The following IQUB variants were observed in gnomAD, a reference collection of about 807,000 sequenced individuals.
IQUB encodes the protein IQ motif and ubiquitin-like domain-containing protein.
Under a neutral mutation model 86.4 loss-of-function variants are expected in IQUB, and 86 were observed. The ratio of observed to expected loss-of-function variants is 1.00; its 90% confidence interval spans 0.84 to 1.19. The LOEUF (loss-of-function observed/expected upper bound fraction) is 1.19. IQUB is among the 50% of genes most tolerant of loss of function. The pLI is 0.00. For synonymous variants in IQUB, 289 were observed against 304.5 expected, an observed-to-expected ratio of 0.95 and a Z score of 0.53; for missense variants, 946 against 916.9, an observed-to-expected ratio of 1.03 and a Z score of -0.41.
intron 1 of IQUB, among the ~76,000 whole-genome samples, chr7:123,525,640 T>C (rs555180501): frequency 6.6e-6 from 1 of 152,306 alleles, no homozygotes; most frequent in East Asian, 1.9e-4. Context: ...TGTTCATCCT[T>C]TCAAAAAACC....
intron 7 of IQUB, 104 bp downstream of exon 7, chr7:123,496,592 A>G (rs552399311): frequency 1.5e-6 from 1 of 647,614 alleles, no homozygotes; most frequent in African/African-American, 1.9e-5. Flanking sequence ...TTTCCAAGAC[A>G]TCTCCCTAAA....
intron 3 of IQUB, among the ~76,000 whole-genome samples, chr7:123,508,881 T>C (rs1796301394): frequency 6.6e-6 from 1 of 152,330 alleles, no homozygotes; most frequent in East Asian, 1.9e-4. Flanking sequence ...TAAATTATAA[T>C]GTAGGCAAAA....
intron 8 of IQUB, among the ~76,000 whole-genome samples, chr7:123,470,958 A>T (rs1014392913): frequency 2.6e-5 from 4 of 152,152 alleles, no homozygotes; most frequent in Non-Finnish European, 5.9e-5. Context: ...GCTAAATCAC[A>T]TTGAGAACTG....
intron 6 of IQUB, among the ~76,000 whole-genome samples, chr7:123,499,684 T>C (rs1795854982): frequency 1.3e-5 from 2 of 152,126 alleles, no homozygotes; most frequent in South Asian, 2.1e-4. Flanking sequence ...ATGGAAACGA[T>C]ATATAGGCTG....
At chr7:123,456,740 T>A (rs1793715041) in intron 12 of IQUB, 1 of 152,036 alleles carries the variant, frequency 6.6e-6, no homozygotes, top group African/African-American at 2.4e-5. Flanking sequence ...AACTTACCCA[T>A]CAAAATGTTT....
At chr7:123,480,004 T>A (rs1232614590) in intron 7 of IQUB, 34 bp from the exon 8 acceptor site, 1 of 1,524,278 alleles carries the variant, frequency 6.6e-7, no homozygotes, top group Non-Finnish European at 8.9e-7. Flanking sequence ...CTTGAGTTTT[T>A]AAAAATCCCA....
chr7:123,533,839 TTATGTATTATCTATTCAA>T (rs1354320071), intron 1 of IQUB, among the ~76,000 whole-genome samples: 1 of 152,234 alleles, frequency 6.6e-6, no homozygotes, highest in Non-Finnish European at 1.5e-5. Flanking sequence ...AACTATTTTT[TTATGTATTATCTATTCAA>T]ATGAAAATGT....
rs767108265 is a variant in IQUB, at chr7:123,509,985, C to T, written c.448G>A (p.Val150Ile). 10 of 1,595,562 alleles carry T rather than the reference C, an allele frequency of 6.3e-6. No homozygotes were observed. The South Asian group carries it at 1.1e-4, about 18-fold the overall frequency. Reference sequence around the variant, plus strand: ...TTAAGATATTTAAGAATGGTATCAACCTTAAAAGGTATTACAATTTCCTGG... The same window carrying T: ...TTAAGATATTTAAGAATGGTATCAATCTTAAAAGGTATTACAATTTCCTGG... The part of the protein sequence containing the change: ...VGQEIVIPFK[V>I]DTILKYLKDH... The change falls in exon 3 of 13, where the codon GTT (valine) becomes ATT (isoleucine). Residue 150 changes from valine to isoleucine, a missense_variant. Val to Ile is a conservative substitution (Grantham distance 29, BLOSUM62 3). Coordinates refer to ENST00000324698, the MANE Select transcript of IQUB (RefSeq NM_178827.5).
chr7:123,468,207 C>T (rs999407228), intron 9 of IQUB, among the ~76,000 whole-genome samples: 2 of 152,138 alleles, frequency 1.3e-5, no homozygotes, highest in Non-Finnish European at 2.9e-5. Context: ...AAAAGTGGGT[C>T]ACCTGGACCA....
intron 1 of IQUB, among the ~76,000 whole-genome samples, chr7:123,530,545 A>G (rs1471719631): frequency 2.0e-5 from 3 of 152,130 alleles, no homozygotes; most frequent in Non-Finnish European, 2.9e-5. Flanking sequence ...TTTTCAGGGA[A>G]AAAAAATCTA....
At chr7:123,454,088 T>C (rs1023480379) in intron 12 of IQUB, among the ~76,000 whole-genome samples, 2 of 152,124 alleles carry the variant, frequency 1.3e-5, no homozygotes, top group African/African-American at 4.8e-5. Flanking sequence ...AAACATTATA[T>C]AGGAGTATCC....
Position 123,509,954 on chromosome 7 carries a change from T to C in IQUB, c.479A>G (p.His160Arg), listed in dbSNP as rs1341036263. Reference protein sequence around the residue: ...VDTILKYLKDHFSHLLGIPHS... With the variant: ...VDTILKYLKDRFSHLLGIPHS... The stretch of plus-strand genomic sequence containing the variant: ...TGGGATACCTAATAAGTGTGAAAAA[T>C]GGTCCTTAAGATATTTAAGAATGGT... Residue 160 changes from histidine (H) to arginine (R), a missense_variant, in exon 3 of 13, where the codon CAT becomes CGT. His to Arg is a conservative substitution (Grantham distance 29). Transcript: ENST00000324698. 1 of 1,609,402 alleles carries C rather than the reference T, an allele frequency of 6.2e-7. No homozygotes were observed. The highest frequency in any genetic ancestry group is 2.2e-5 in the East Asian group (1 of 44,698).
Position 123,509,883 on chromosome 7 carries a change from A to G in IQUB, c.532+18T>C. 1 of 1,586,324 alleles carries G rather than the reference A, an allele frequency of 6.3e-7. No homozygotes were observed. Among genetic ancestry groups the G allele is most frequent in the Non-Finnish European group, 8.5e-7 (1 of 1,170,194 alleles). ...AACTAGAAAAGTCTTGATATGTTTT[A>G]TTAGCCTCCAAACTTACCTGAGTAT... On this transcript the variant is annotated intron_variant, in intron 3 of 12. Transcript: ENST00000324698.
intron 8 of IQUB, among the ~76,000 whole-genome samples, chr7:123,470,667 C>A (rs376332510): frequency 6.6e-6 from 1 of 151,936 alleles, no homozygotes; most frequent in Non-Finnish European, 1.5e-5. Context: ...CTGGCTAACA[C>A]GGTGAAACCC....
chr7:123,466,797 A>G (rs932367817), intron 9 of IQUB, among the ~76,000 whole-genome samples: 1 of 152,136 alleles, frequency 6.6e-6, no homozygotes, highest in African/African-American at 2.4e-5. Context: ...TTCAGTTGTT[A>G]TATATAGTGA....
intron 3 of IQUB, among the ~76,000 whole-genome samples, chr7:123,504,995 TAAATATACCC>T (rs1796114409): frequency 6.6e-6 from 1 of 152,128 alleles, no homozygotes; most frequent in Non-Finnish European, 1.5e-5. Flanking sequence ...AGGCATTGGG[TAAATATACCC>T]ATTCCAAAAT....
At chr7:123,528,107 A>C (rs1797346948) in intron 1 of IQUB, among the ~76,000 whole-genome samples, 1 of 152,162 alleles carries the variant, frequency 6.6e-6, no homozygotes, top group Non-Finnish European at 1.5e-5. Context: ...ACTTTCTTTG[A>C]CTAGGAAAGG....
intron 9 of IQUB, among the ~76,000 whole-genome samples, chr7:123,466,178 GT>G (rs1794253213): frequency 6.6e-6 from 1 of 151,852 alleles, no homozygotes; most frequent in South Asian, 2.1e-4. Context: ...TTATTTTAAG[GT>G]TGTGCAGCCA....
chr7:123,494,990 C>T (rs942462633), intron 7 of IQUB, among the ~76,000 whole-genome samples: 1 of 152,104 alleles, frequency 6.6e-6, no homozygotes, highest in African/African-American at 2.4e-5. Flanking sequence ...TTTAACAGAG[C>T]TCTGCTCTAA....
Sources: gnomAD v4.1 joint callset for allele counts (sites outside exome capture counted in the v4.1 genomes callset) on GRCh38, gnomAD v4.1.1 for gene constraint, MANE v1.5 for transcripts, NCBI Gene and HGNC (gene_info 2026-07-23, HGNC 2026-07-21) for gene names.